Variants in BMP6 observed in about 807,000 individuals in gnomAD.
BMP6 encodes the protein VG-1-R.
BMP6 carries 17 observed loss-of-function variants against 54.1 expected under a neutral mutation model. The observed-to-expected ratio is 0.31, with a 90% CI of 0.22 to 0.47. The LOEUF is 0.47. Ranked by LOEUF, BMP6 falls within the 20% of genes least tolerant of loss-of-function variation. The pLI is 1.00. For missense variants in BMP6, 720 were observed against 690.4 expected (o/e 1.04, Z -0.48); for synonymous variants, 328 against 291.2 (o/e 1.13, Z -1.28).
chr6:7,862,378 T>C lies in BMP6; in HGVS notation c.1084T>C (p.Phe362Leu), dbSNP rs766490252. The C allele has an allele frequency of 1.2e-6, 2 of 1,614,024 alleles. No individual in the cohort carries two copies. Among genetic ancestry groups the C allele is most frequent in the East Asian group, 2.2e-5 (1 of 44,884 alleles). Residue 362 changes from phenylalanine (F) to leucine (L), a missense_variant, in exon 4 of 7, where the codon TTC becomes CTC. Phe to Leu is a conservative substitution (Grantham distance 22). This residue lies in a region of BMP6 where 650 missense variants were observed against 556.3 expected (regional missense o/e 1.17). Transcript: ENST00000283147. ...PYDKQPFMVA[F>L]FKVSEVHVRT... is the part of the protein sequence containing the mutation. ...CGACAAGCAGCCCTTCATGGTGGCT[T>C]TCTTCAAAGTGAGTGAGGTGCACGT... is the stretch of plus-strand genomic sequence containing the variant.
Position 7,879,989 on chromosome 6 carries a change from A to G in BMP6, c.1282-2A>G. On this transcript the variant is annotated splice_acceptor_variant, in intron 5 of 6. Transcript: ENST00000283147. LOFTEE classifies it high-confidence loss of function. The stretch of plus-strand genomic sequence containing the variant: ...TTGTTGCTTCCTTTGCATGAAATTA[A>G]GGACTGGATCATTGCACCCAAGGGC... The G allele has an allele frequency of 6.2e-7, 1 of 1,613,580 alleles. No homozygotes were observed.
intron 1 of BMP6, among the ~76,000 whole-genome samples, chr6:7,795,505 G>A (rs1488098983): frequency 2.0e-5 from 3 of 152,206 alleles, no homozygotes; most frequent in Non-Finnish European, 4.4e-5. Context: ...CAAGGTCCTG[G>A]CTACAAAGGG....
At chr6:7,776,216 C>T (rs1212093694) in intron 1 of BMP6, among the ~76,000 whole-genome samples, 1 of 152,232 alleles carries the variant, frequency 6.6e-6, no homozygotes, top group African/African-American at 2.4e-5. Context: ...GAGATAGTTG[C>T]CCAAGTTATA....
chr6:7,812,903 G>T (rs988738353), intron 1 of BMP6, among the ~76,000 whole-genome samples: 3 of 150,082 alleles, frequency 2.0e-5, no homozygotes, highest in Non-Finnish European at 4.4e-5. Context: ...GGCTTTTCCT[G>T]GGCTACCTTT....
chr6:7,859,522 G>A (rs566057642), intron 2 of BMP6, among the ~76,000 whole-genome samples: 3 of 152,070 alleles, frequency 2.0e-5, no homozygotes, highest in South Asian at 4.2e-4. Flanking sequence ...CTCTGGGACC[G>A]GGGCTACTTT....
intron 1 of BMP6, among the ~76,000 whole-genome samples, chr6:7,763,218 C>T (rs976443872): frequency 1.3e-5 from 2 of 152,178 alleles, no homozygotes; most frequent in African/African-American, 4.8e-5. Flanking sequence ...CTGCAGCCAA[C>T]CCCAGGGGAG....
intron 1 of BMP6, among the ~76,000 whole-genome samples, chr6:7,800,480 T>C (rs1053908940): frequency 2.6e-5 from 4 of 152,080 alleles, no homozygotes; most frequent in African/African-American, 7.2e-5. Flanking sequence ...TCTCTAACAT[T>C]TATATCCTGA....
At chr6:7,860,011 A>G (rs1759309462) in intron 2 of BMP6, among the ~76,000 whole-genome samples, 1 of 152,210 alleles carries the variant, frequency 6.6e-6, no homozygotes, top group African/African-American at 2.4e-5. Context: ...AAGTTCATTC[A>G]TTCATCACAG....
chr6:7,879,040 T>C, intron 4 of BMP6, 34 bp from the exon 5 acceptor site: 1 of 1,593,122 alleles, frequency 6.3e-7, no homozygotes, highest in South Asian at 1.1e-5. Context: ...GGGTGCATCT[T>C]TTGATGGGTG....
intron 1 of BMP6, among the ~76,000 whole-genome samples, chr6:7,828,141 A>G (rs1291176307): frequency 6.6e-6 from 1 of 152,172 alleles, no homozygotes; most frequent in Non-Finnish European, 1.5e-5. Flanking sequence ...GTTTTTGGTC[A>G]TTTAGGAAGC....
intron 1 of BMP6, among the ~76,000 whole-genome samples, chr6:7,765,373 A>G (rs762593094): frequency 1.3e-5 from 2 of 152,260 alleles, no homozygotes; most frequent in Non-Finnish European, 2.9e-5. Flanking sequence ...TAATTGGACC[A>G]ACTCAGCAGT....
chr6:7,747,611 C>T (rs1757366228), intron 1 of BMP6, among the ~76,000 whole-genome samples: 2 of 152,168 alleles, frequency 1.3e-5, no homozygotes, highest in East Asian at 3.9e-4. Flanking sequence ...CACAGTCCTG[C>T]TGACACCTGG....
chr6:7,768,658 A>G (rs149091543), intron 1 of BMP6, among the ~76,000 whole-genome samples: 3 of 152,272 alleles, frequency 2.0e-5, no homozygotes, highest in African/African-American at 7.2e-5. Context: ...TCTGAAAAAA[A>G]GTCGCTCCAC....
chr6:7,877,601 T>G (rs1417299904), intron 4 of BMP6, among the ~76,000 whole-genome samples: 1 of 151,440 alleles, frequency 6.6e-6, no homozygotes, highest in Non-Finnish European at 1.5e-5. Flanking sequence ...TCAGTCTGGG[T>G]AACAGAGCAA....
rs572165353 is a variant in BMP6, at chr6:7,745,860, C to T, written c.664+18241C>T. ...GTGCCTGCCTGTAATCCCAGCTATT[C>T]GGGAGGCTGAGACAGGAGAATCACT... On this transcript the variant is annotated intron_variant, in intron 1 of 6. Coordinates refer to ENST00000283147, the MANE Select transcript of BMP6 (RefSeq NM_001718.6). 3.3e-5 allele frequency among the ~76,000 whole-genome samples: 5 copies of T among 151,766 alleles called. No individual in the cohort carries two copies. The South Asian group carries it at 6.3e-4, about 19-fold the overall frequency.
At position 7,880,363 on chromosome 6, in the gene BMP6, G is replaced by C. The variant is rs760231730; in HGVS notation, c.*20G>C. The C allele has an allele frequency of 6.2e-7, 1 of 1,613,516 alleles. No homozygotes were observed. The highest frequency in any genetic ancestry group is 1.3e-5 in the African/African-American group (1 of 75,026). ...CACTAACTCGAAACCAGATGCTGGG[G>C]ACACACATTCTGCCTTGGATTCCTA... On this transcript the variant is annotated 3_prime_UTR_variant, in exon 7 of 7. Transcript: ENST00000283147.
chr6:7,831,958 A>T (rs1173030911), intron 1 of BMP6, among the ~76,000 whole-genome samples: 1 of 152,228 alleles, frequency 6.6e-6, no homozygotes, highest in African/African-American at 2.4e-5. Flanking sequence ...GGCACCATGT[A>T]CTAAGCCTTC....
chr6:7,854,385 A>T (rs61119437), intron 2 of BMP6, among the ~76,000 whole-genome samples: 12,692 of 147,366 alleles, frequency 0.086, 573 homozygotes, highest in Non-Finnish European at 0.099. Context: ...ACATCTTTTT[A>T]AAAAAAAAAA....
intron 2 of BMP6, among the ~76,000 whole-genome samples, chr6:7,851,323 TAG>T (rs1302671831): frequency 6.6e-6 from 1 of 152,172 alleles, no homozygotes; most frequent in Non-Finnish European, 1.5e-5. Flanking sequence ...ACATTTTTAT[TAG>T]ATTAATTTTA....
Sources: gnomAD v4.1 joint callset for allele counts (sites outside exome capture counted in the v4.1 genomes callset) on GRCh38, gnomAD v4.1.1 for gene constraint, gnomAD v4.1.1 regional missense constraint, MANE v1.5 for transcripts, NCBI Gene and HGNC (gene_info 2026-07-23, HGNC 2026-07-21) for gene names.